The following TMEM117 variants were observed in gnomAD, a reference collection of about 807,000 sequenced individuals.
TMEM117 encodes the protein transmembrane protein 117.
A neutral mutation model predicts 52.4 loss-of-function variants in TMEM117; 27 were observed. The observed-to-expected ratio is 0.51, with a 90% CI of 0.38 to 0.71. The LOEUF is 0.71. Among genes scored for constraint, TMEM117 ranks in the 30% least tolerant of loss-of-function variants. The probability of loss-of-function intolerance (pLI) is 0.00; values close to 1 mark genes in which losing one functional copy is unlikely to be tolerated. For synonymous variants in TMEM117, 215 were observed against 206.3 expected (o/e 1.04, Z -0.36); for missense variants, 556 against 630.5 (o/e 0.88, Z 1.26).
chr12:43,972,275 C>T (rs1592405156), intron 3 of TMEM117, among the ~76,000 whole-genome samples: 2 of 152,338 alleles, frequency 1.3e-5, no homozygotes, highest in Middle Eastern at 6.8e-3. Flanking sequence ...ATGGGAATCT[C>T]ATCTCTTAGT....
At chr12:43,841,961 A>G (rs1943122482) in intron 1 of TMEM117, among the ~76,000 whole-genome samples, 2 of 152,232 alleles carry the variant, frequency 1.3e-5, no homozygotes, top group Non-Finnish European at 2.9e-5. Context: ...AAGAAGCAAC[A>G]GCAGCCTGTA....
intron 5 of TMEM117, among the ~76,000 whole-genome samples, chr12:44,240,388 C>G (rs1322052995): frequency 1.3e-5 from 2 of 152,062 alleles, no homozygotes; most frequent in Non-Finnish European, 2.9e-5. Context: ...CCTGTTGGCT[C>G]AAATCTAGTC....
At chr12:44,228,867 CAG>C (rs1334028164) in intron 5 of TMEM117, among the ~76,000 whole-genome samples, 2 of 152,066 alleles carry the variant, frequency 1.3e-5, no homozygotes, top group African/African-American at 2.4e-5. Flanking sequence ...GGGCCACACA[CAG>C]GGTGTAGCAG....
chr12:43,981,308 T>A (rs1023460827), intron 3 of TMEM117, among the ~76,000 whole-genome samples: 1 of 152,228 alleles, frequency 6.6e-6, no homozygotes, highest in South Asian at 2.1e-4. Flanking sequence ...ATCTGGGTTT[T>A]AGCTTGGGGA....
At chr12:44,290,461 T>G (rs1950690786) in intron 5 of TMEM117, among the ~76,000 whole-genome samples, 1 of 152,236 alleles carries the variant, frequency 6.6e-6, no homozygotes, top group African/African-American at 2.4e-5. Context: ...AATGCCATTC[T>G]CTTTGTATTC....
chr12:44,303,114 G>C (rs1950861976), intron 6 of TMEM117, among the ~76,000 whole-genome samples: 1 of 151,916 alleles, frequency 6.6e-6, no homozygotes, highest in African/African-American at 2.4e-5. Context: ...CGTGATCTCG[G>C]CTCACTGCAA....
At chr12:44,386,630 A>T (rs564613195) in intron 7 of TMEM117, among the ~76,000 whole-genome samples, 1 of 152,164 alleles carries the variant, frequency 6.6e-6, no homozygotes, top group South Asian at 2.1e-4. Context: ...CTGGGCCCCT[A>T]TTATGTACCA....
chr12:43,830,956 A>G, the TMEM117 span, among the ~76,000 whole-genome samples: 3 of 152,224 alleles, frequency 2.0e-5, no homozygotes, highest in Non-Finnish European at 4.4e-5. Flanking sequence ...CACGGGTTCT[A>G]GTATTCCAAG....
chr12:44,094,703 C>G (rs2138054109), intron 3 of TMEM117, among the ~76,000 whole-genome samples: 1 of 152,114 alleles, frequency 6.6e-6, no homozygotes, highest in South Asian at 2.1e-4. Context: ...AAAATCCACT[C>G]TGGGCATCCA....
At chr12:44,097,018 G>GA (rs1235420802) in intron 3 of TMEM117, among the ~76,000 whole-genome samples, 6 of 151,916 alleles carry the variant, frequency 3.9e-5, no homozygotes, top group South Asian at 2.1e-4. Flanking sequence ...AAATTTACAA[G>GA]AAAAAAACAA....
chr12:44,010,235 T>C (rs1333941748), intron 3 of TMEM117: 2 of 472,272 alleles, frequency 4.2e-6, no homozygotes, highest in Admixed American at 4.6e-5. Context: ...TTTGGTACAA[T>C]ATCAATGAGT....
At chr12:44,160,534 T>C (rs1443864792) in intron 4 of TMEM117, among the ~76,000 whole-genome samples, 2 of 152,218 alleles carry the variant, frequency 1.3e-5, no homozygotes, top group Non-Finnish European at 1.5e-5. Context: ...CTGGGTGTGG[T>C]AACTCACACC....
chr12:43,918,834 C>T (rs75018546), intron 2 of TMEM117, among the ~76,000 whole-genome samples: 1 of 152,238 alleles, frequency 6.6e-6, no homozygotes, highest in African/African-American at 2.4e-5. Flanking sequence ...TTGACCATCA[C>T]ATACCAAATC....
the TMEM117 span, chr12:43,806,421 CTTCCTGGCCGCCG>C: frequency 8.7e-7 from 1 of 1,143,384 alleles, no homozygotes; most frequent in Non-Finnish European, 1.1e-6. Context: ...CCCCGCCGCC[CTTCCTGGCCGCCG>C]GGCTGCGGTC....
chr12:44,244,730 TTAGGCAAC>T (rs1443349502), intron 5 of TMEM117, among the ~76,000 whole-genome samples: 1 of 151,926 alleles, frequency 6.6e-6, no homozygotes, highest in Non-Finnish European at 1.5e-5. Context: ...TATTTTGTCT[TTAGGCAAC>T]TGGTGATCGT....
chr12:43,941,329 C>T (rs1056348068), intron 2 of TMEM117, among the ~76,000 whole-genome samples: 12 of 152,170 alleles, frequency 7.9e-5, no homozygotes, highest in African/African-American at 2.9e-4. Context: ...ATTCTGGGAC[C>T]TATAGACCTG....
At chr12:43,813,184 G>C in the TMEM117 span, among the ~76,000 whole-genome samples, 1 of 143,834 alleles carries the variant, frequency 7.0e-6, no homozygotes. Context: ...CCTTATTCAT[G>C]ATCCTAGGTG....
chr12:44,261,023 C>A (rs1278620494), intron 5 of TMEM117, among the ~76,000 whole-genome samples: 1 of 152,028 alleles, frequency 6.6e-6, no homozygotes, highest in Non-Finnish European at 1.5e-5. Context: ...AGGACATTAT[C>A]CAATTATGTC....
chr12:44,298,646 A>G (rs1220996532), intron 5 of TMEM117, among the ~76,000 whole-genome samples: 1 of 149,800 alleles, frequency 6.7e-6, no homozygotes, highest in South Asian at 2.1e-4. Flanking sequence ...GTGTATACTT[A>G]TGCAAGATTT....
Sources: allele counts gnomAD v4.1 joint callset (sites outside exome capture counted in the v4.1 genomes callset), GRCh38; gene constraint gnomAD v4.1.1; transcripts MANE v1.5; gene names NCBI Gene and HGNC (gene_info 2026-07-23, HGNC 2026-07-21).